Variants in TNRC6B observed in about 807,000 individuals in gnomAD.
TNRC6B encodes trinucleotide repeat-containing gene 6B protein.
Under a neutral mutation model 203.6 loss-of-function variants are expected in TNRC6B, and 52 were observed. That is an observed-to-expected ratio of 0.26 (90% confidence interval 0.20 to 0.32). The LOEUF is 0.32. Ranked by LOEUF, TNRC6B falls within the 10% of genes least tolerant of loss-of-function variation. The pLI is 1.00. For missense variants in TNRC6B, 1,923 were observed against 2,286.2 expected (o/e 0.84, Z 3.24); for synonymous variants, 838 against 845.7 (o/e 0.99, Z 0.16).
At chr22:40,138,375 C>T (rs2068618291) in intron 3 of TNRC6B, among the ~76,000 whole-genome samples, 2 of 152,204 alleles carry the variant, frequency 1.3e-5, no homozygotes, top group Admixed American at 1.3e-4. Flanking sequence ...AGGAGATTCT[C>T]CTGCCTCAGC....
chr22:40,240,784 C>G (rs537380153), intron 1 of TNRC6B, among the ~76,000 whole-genome samples: 10 of 152,140 alleles, frequency 6.6e-5, no homozygotes, highest in Non-Finnish European at 1.5e-4. Flanking sequence ...ACCTAGTCAC[C>G]TGGCATTTGC....
chr22:40,225,439 A>G (rs976143174), intron 1 of TNRC6B, among the ~76,000 whole-genome samples: 9 of 152,210 alleles, frequency 5.9e-5, no homozygotes, highest in Non-Finnish European at 1.3e-4. Flanking sequence ...TCAGAAAAAC[A>G]TATTTGAGGC....
At chr22:40,159,465 C>T (rs986524743) in intron 4 of TNRC6B, among the ~76,000 whole-genome samples, 3 of 150,046 alleles carry the variant, frequency 2.0e-5, no homozygotes, top group Non-Finnish European at 4.4e-5. Flanking sequence ...TGGTGAAACC[C>T]CGCCTCTAGT....
At chr22:40,132,725 C>T (rs1392705010) in intron 3 of TNRC6B, among the ~76,000 whole-genome samples, 1 of 148,544 alleles carries the variant, frequency 6.7e-6, no homozygotes, top group Non-Finnish European at 1.5e-5. Context: ...GGGTGGATCA[C>T]GAGGTCAGGA....
chr22:40,257,222 C>T (rs1031556168), intron 3 of TNRC6B, among the ~76,000 whole-genome samples: 1 of 152,170 alleles, frequency 6.6e-6, no homozygotes, highest in Non-Finnish European at 1.5e-5. Flanking sequence ...TAGTTCTGTG[C>T]AGCTGCTGTG....
At chr22:40,175,992 T>G (rs1378903399), upstream of TNRC6B, among the ~76,000 whole-genome samples, 4 of 152,228 alleles carry the variant, frequency 2.6e-5, no homozygotes, top group Non-Finnish European at 5.9e-5. Flanking sequence ...AAAGCCGGGT[T>G]TCTAGAATCC....
intron 1 of TNRC6B, among the ~76,000 whole-genome samples, chr22:40,051,694 G>A (rs914605071): frequency 1.3e-5 from 2 of 152,098 alleles, no homozygotes; most frequent in Non-Finnish European, 2.9e-5. Context: ...AAAGTTTCTG[G>A]ACTAGCACTG....
At chr22:40,193,781 G>C (rs2069302276) in intron 1 of TNRC6B, among the ~76,000 whole-genome samples, 1 of 152,094 alleles carries the variant, frequency 6.6e-6, no homozygotes. Flanking sequence ...CTGTAAAGTA[G>C]GAATAGGAGG....
At chr22:40,280,203 T>C in intron 10 of TNRC6B, 60 bp downstream of exon 10, 1 of 1,528,892 alleles carries the variant, frequency 6.5e-7, no homozygotes, top group East Asian at 2.3e-5. Context: ...TTCCCATTTG[T>C]CTTTTGATAA....
rs557733700 is a variant in TNRC6B at position 40,295,861 on chromosome 22, G to C, written c.3709-4594G>C. ...TTACAGAGTGGAGGTAAAAATTTTT[G>C]TTGCTTTTGTTTTTTATATTAAGAA... On this transcript the variant is annotated intron_variant, in intron 12 of 22. Transcript: ENST00000454349. Among the ~76,000 whole-genome samples, 88 of 152,200 alleles carry C rather than the reference G, an allele frequency of 5.8e-4. 1 individual carries two copies. Among genetic ancestry groups the C allele is most frequent in the Non-Finnish European group, 8.5e-4 (58 of 68,002 alleles).
At position 40,265,919 on chromosome 22, in the gene TNRC6B, C is replaced by T; in HGVS notation, c.1689C>T (p.Ser563=). 3 of 1,614,050 alleles carry T rather than the reference C, an allele frequency of 1.9e-6. No individual in the cohort carries two copies. Among genetic ancestry groups the T allele is most frequent in the Non-Finnish European group, 2.5e-6 (3 of 1,179,908 alleles). The change falls in exon 5 of 23, where the codon AGC becomes AGT. Residue 563 remains serine, a synonymous_variant. Transcript: ENST00000454349. ...CTCCCTGTTGGGGAAGATCTTCCAG[C>T]TCCACAGGAAGTGAAGTTGGAGGTC... is the stretch of plus-strand genomic sequence containing the variant. The part of the protein sequence containing the change: ...AQAPCWGRSS[S]STGSEVGGQS...
chr22:40,100,919 G>A (rs1274035886), intron 1 of TNRC6B, among the ~76,000 whole-genome samples: 1 of 152,110 alleles, frequency 6.6e-6, no homozygotes, highest in African/African-American at 2.4e-5. Context: ...GAGATTGGAG[G>A]GACATTGTGG....
In TNRC6B at chr22:40,328,217, T is replaced by C. The variant is rs1327790384; in HGVS notation, c.*4976T>C. 6.6e-6 allele frequency: 1 copy of C among 152,230 alleles called. No individual in the cohort carries two copies. Among genetic ancestry groups the C allele is most frequent in the Non-Finnish European group, 1.5e-5 (1 of 68,038 alleles). The allele number at this position is 152,230 out of a possible 1,614,324, so 9.4% of individuals were successfully genotyped here. A position where few individuals can be genotyped will look rare whatever the true frequency, so the allele number is the denominator to read the frequency against. On this transcript the variant is annotated 3_prime_UTR_variant, in exon 23 of 23. Coordinates refer to ENST00000454349, the MANE Select transcript of TNRC6B (RefSeq NM_001162501.2). ...GTTCCAAACCAAATTATTTAATCAGTGTCCCCCCAATAAATCACTTATCCA... is the reference window on the plus strand; with the variant it reads ...GTTCCAAACCAAATTATTTAATCAGCGTCCCCCCAATAAATCACTTATCCA...
chr22:40,075,154 ATATTTTTTTTTT>A (rs1407199672), intron 1 of TNRC6B, among the ~76,000 whole-genome samples: 48 of 55,380 alleles, frequency 8.7e-4, no homozygotes, highest in African/African-American at 4.1e-3. Context: ...ATATATATAT[ATATTTTTTTTTT>A]TTTTTTTTTT....
At chr22:40,167,800 T>C (rs6001820) in intron 4 of TNRC6B, among the ~76,000 whole-genome samples, 102,821 of 151,498 alleles carry the variant, frequency 0.68, 36,642 homozygotes, top group African/African-American at 0.9. Flanking sequence ...GGAGGATTGC[T>C]TGAATCTGGC....
At chr22:40,077,459 G>C (rs1408913854) in intron 1 of TNRC6B, among the ~76,000 whole-genome samples, 1 of 152,146 alleles carries the variant, frequency 6.6e-6, no homozygotes, top group Non-Finnish European at 1.5e-5. Context: ...CAGAAGTTGA[G>C]ATCTCATTCA....
At chr22:40,281,032 C>A in intron 10 of TNRC6B, 87 bp from the exon 11 acceptor site, 1 of 1,140,338 alleles carries the variant, frequency 8.8e-7, no homozygotes, top group Non-Finnish European at 1.2e-6. Context: ...TTGTTTATTG[C>A]TAGTGTTTCT....
chr22:40,195,051 A>G (rs1037279000), intron 1 of TNRC6B, among the ~76,000 whole-genome samples: 11 of 152,226 alleles, frequency 7.2e-5, no homozygotes, highest in African/African-American at 2.7e-4. Flanking sequence ...CAAATGACAC[A>G]TGCAGACAGC....
intron 1 of TNRC6B, among the ~76,000 whole-genome samples, chr22:40,242,902 C>G (rs1000222266): frequency 6.6e-6 from 1 of 150,908 alleles, no homozygotes; most frequent in Non-Finnish European, 1.5e-5. Flanking sequence ...CAGAGTCTCG[C>G]TCTGTCACCC....
Sources: allele counts gnomAD v4.1 joint callset (sites outside exome capture counted in the v4.1 genomes callset), GRCh38; gene constraint gnomAD v4.1.1; transcripts MANE v1.5; gene names NCBI Gene and HGNC (gene_info 2026-07-23, HGNC 2026-07-21).